NTN1: variants seen among roughly 807,000 people sequenced by gnomAD.
The protein encoded by NTN1 is netrin 1.
In NTN1, 11 loss-of-function variants were observed where a neutral mutation model predicts 54.2. The observed-to-expected ratio is 0.20, with a 90% CI of 0.13 to 0.34. NTN1 has a LOEUF of 0.34. NTN1 is among the 10% of genes least tolerant of loss of function. The probability of loss-of-function intolerance (pLI) is 1.00; values close to 1 mark genes in which losing one functional copy is unlikely to be tolerated. For missense variants in NTN1, 740 were observed against 893.1 expected (o/e 0.83, Z 2.18); for synonymous variants, 371 against 382.0 (o/e 0.97, Z 0.33).
At chr17:9,230,975 TG>T (rs1471156037) in intron 6 of NTN1, among the ~76,000 whole-genome samples, 1 of 149,932 alleles carries the variant, frequency 6.7e-6, no homozygotes, top group African/African-American at 2.5e-5. Context: ...AGAGTAGGGG[TG>T]GGGTGGGGAT....
At chr17:9,016,398 C>T in the NTN1 span, among the ~76,000 whole-genome samples, 11 of 152,132 alleles carry the variant, frequency 7.2e-5, no homozygotes, top group Admixed American at 7.2e-4. Flanking sequence ...CAGAGCTGTT[C>T]CACCTCTGGA....
chr17:9,102,507 T>G (rs1202760743), intron 2 of NTN1, among the ~76,000 whole-genome samples: 4 of 152,178 alleles, frequency 2.6e-5, no homozygotes, highest in African/African-American at 7.2e-5. Context: ...ACATGGGGAT[T>G]ATGGGAACGA....
At chr17:9,009,106 C>T in the NTN1 span, among the ~76,000 whole-genome samples, 1 of 152,198 alleles carries the variant, frequency 6.6e-6, no homozygotes. Flanking sequence ...TTGCACATGC[C>T]ATTCCCTCTG....
At chr17:9,164,973 G>T (rs2092369785) in intron 3 of NTN1, among the ~76,000 whole-genome samples, 1 of 152,186 alleles carries the variant, frequency 6.6e-6, no homozygotes, top group East Asian at 1.9e-4. Context: ...AAGGTATCCA[G>T]CTCCTTTGCC....
At chr17:9,230,120 T>A (rs1905756369) in intron 6 of NTN1, among the ~76,000 whole-genome samples, 2 of 152,164 alleles carry the variant, frequency 1.3e-5, no homozygotes, top group Non-Finnish European at 2.9e-5. Flanking sequence ...CAATGGCTAT[T>A]CCTGATCGGG....
At chr17:9,178,575 A>G (rs2092408378) in intron 3 of NTN1, among the ~76,000 whole-genome samples, 2 of 152,198 alleles carry the variant, frequency 1.3e-5, no homozygotes, top group Admixed American at 1.3e-4. Flanking sequence ...CTTGCTGGGA[A>G]GTTCTAATCT....
At chr17:9,053,802 T>C (rs947120414) in intron 2 of NTN1, among the ~76,000 whole-genome samples, 1 of 152,232 alleles carries the variant, frequency 6.6e-6, no homozygotes, top group African/African-American at 2.4e-5. Flanking sequence ...CCAAATGAAA[T>C]GACCAGCTGT....
chr17:9,117,475 G>A (rs1344671864), intron 2 of NTN1, among the ~76,000 whole-genome samples: 1 of 152,188 alleles, frequency 6.6e-6, no homozygotes, highest in Non-Finnish European at 1.5e-5. Context: ...TTTCATGTGG[G>A]CCGGGTGCGG....
At chr17:9,235,646 CT>C (rs1432681987) in intron 6 of NTN1, among the ~76,000 whole-genome samples, 2 of 152,128 alleles carry the variant, frequency 1.3e-5, no homozygotes, top group Non-Finnish European at 2.9e-5. Flanking sequence ...CTGGTGAGGG[CT>C]TGCTCTCTGC....
At chr17:9,195,514 G>A (rs1222948135) in intron 5 of NTN1, among the ~76,000 whole-genome samples, 1 of 151,972 alleles carries the variant, frequency 6.6e-6, no homozygotes, top group Non-Finnish European at 1.5e-5. Flanking sequence ...AGCTGTCACA[G>A]CGACCTTGCT....
intron 2 of NTN1, among the ~76,000 whole-genome samples, chr17:9,138,133 C>T (rs1242583029): frequency 1.3e-5 from 2 of 152,338 alleles, no homozygotes; most frequent in Middle Eastern, 3.4e-3. Context: ...CAGTGAGTGA[C>T]TTTTAAGTTG....
chr17:9,156,987 C>T (rs2092344649), intron 2 of NTN1, among the ~76,000 whole-genome samples: 1 of 133,866 alleles, frequency 7.5e-6, no homozygotes, highest in Non-Finnish European at 1.6e-5. Flanking sequence ...CACCTATCAA[C>T]CCCATCCATC....
the NTN1 span, among the ~76,000 whole-genome samples, chr17:9,012,934 T>C: frequency 3.3e-3 from 502 of 152,306 alleles, 7 homozygotes; most frequent in African/African-American, 0.012. Context: ...TAGTAGCACA[T>C]TGGGCTTAAT....
intron 5 of NTN1, among the ~76,000 whole-genome samples, chr17:9,214,114 A>C (rs564302629): frequency 1.3e-5 from 2 of 151,836 alleles, no homozygotes; most frequent in East Asian, 3.9e-4. Flanking sequence ...TGTTGTTATT[A>C]ATTCATTCCT....
At position 9,221,065 on chromosome 17, in the gene NTN1, G is replaced by A; in HGVS notation, c.1412-103G>A. 1 of 869,854 alleles carries A rather than the reference G, an allele frequency of 1.1e-6. No individual in the cohort carries two copies. Among genetic ancestry groups the A allele is most frequent in the South Asian group, 1.4e-5 (1 of 72,984 alleles). 53.9% of individuals were successfully genotyped at this position (869,854 alleles called of 1,614,324 possible). A position where few individuals can be genotyped will look rare whatever the true frequency, so the allele number is the denominator to read the frequency against. On this transcript the variant is annotated intron_variant, in intron 5 of 6. Coordinates refer to ENST00000173229, the MANE Select transcript of NTN1 (RefSeq NM_004822.3). This position sits in a 1 kb window ranked among gnomAD's most constrained non-coding sequence, Gnocchi z 4.5. ...CCCGGCCTGGCCCATGGGTATCACA[G>A]GCCTCTGGCTATTTAGGGAGGCGGC...
At chr17:9,100,779 G>A (rs1048905581) in intron 2 of NTN1, among the ~76,000 whole-genome samples, 16 of 151,624 alleles carry the variant, frequency 1.1e-4, no homozygotes, top group Non-Finnish European at 5.9e-5. Context: ...GAGTTTTTTT[G>A]TTGTTTTAAT....
At chr17:9,041,781 G>A (rs2091922381) in intron 2 of NTN1, among the ~76,000 whole-genome samples, 1 of 152,080 alleles carries the variant, frequency 6.6e-6, no homozygotes, top group African/African-American at 2.4e-5. Flanking sequence ...GGCGGAGGCG[G>A]GTGGATCACT....
chr17:9,218,348 C>T (rs1225919068), intron 5 of NTN1, among the ~76,000 whole-genome samples: 3 of 152,142 alleles, frequency 2.0e-5, no homozygotes, highest in African/African-American at 4.8e-5. Context: ...AGGGCCAAGA[C>T]GAGTTCATCA....
chr17:9,239,556 C>G lies in NTN1; in HGVS notation c.1487-84C>G, dbSNP rs1210533640. The G allele has an allele frequency of 7.1e-7, 1 of 1,402,032 alleles. No homozygotes were observed. Among genetic ancestry groups the G allele is most frequent in the East Asian group, 2.3e-5 (1 of 43,044 alleles). 86.8% of individuals were successfully genotyped at this position (1,402,032 alleles called of 1,614,324 possible). A position where few individuals can be genotyped will look rare whatever the true frequency, so the allele number is the denominator to read the frequency against. ...GCAGTCACTTCCTGGGGCTGGGTCT[C>G]CTTTCCCTTCTCCCCAGGCTCAGGC... On this transcript the variant is annotated intron_variant, in intron 6 of 6. Transcript: ENST00000173229. The surrounding 1 kb of genome is among the most constrained non-coding windows in gnomAD (Gnocchi z 5.2).
Sources: gnomAD v4.1 joint callset for allele counts (sites outside exome capture counted in the v4.1 genomes callset) on GRCh38, gnomAD v4.1.1 for gene constraint, Gnocchi (gnomAD v3.1) non-coding constraint, MANE v1.5 for transcripts, NCBI Gene and HGNC (gene_info 2026-07-23, HGNC 2026-07-21) for gene names.